The following KMT2C variants were observed in gnomAD, a reference collection of about 807,000 sequenced individuals.
The protein encoded by KMT2C is histone-lysine N-methyltransferase 2C.
In KMT2C, 88 loss-of-function variants were observed where a neutral mutation model predicts 507.9. The ratio of observed to expected loss-of-function variants is 0.17; its 90% confidence interval spans 0.15 to 0.21. The LOEUF (loss-of-function observed/expected upper bound fraction) is 0.21. Among genes scored for constraint, KMT2C ranks in the 10% least tolerant of loss-of-function variants. The pLI is 1.00. For missense variants in KMT2C, 4,954 were observed against 5,957.8 expected, an observed-to-expected ratio of 0.83 and a Z score of 5.55; for synonymous variants, 2,049 against 2,080.8, an observed-to-expected ratio of 0.98 and a Z score of 0.42.
rs548309260 is a variant in KMT2C at position 152,190,154 on chromosome 7, G to A, written c.4661-2307C>T. 1.6e-4 allele frequency among the ~76,000 whole-genome samples: 24 copies of A among 152,238 alleles called. No individual in the cohort carries two copies. The South Asian group carries it at 4.8e-3, about 30-fold the overall frequency. ...CACCAACCTGGGTTTGTGAAAAAAT[G>A]GTCTTCCTTGAAACTGGTCCCTGGT... is the stretch of plus-strand genomic sequence containing the variant. On this transcript the variant is annotated intron_variant, in intron 31 of 58. Coordinates refer to ENST00000262189, the MANE Select transcript of KMT2C (RefSeq NM_170606.3).
intron 42 of KMT2C, among the ~76,000 whole-genome samples, 155 bp from the exon 43 acceptor site, chr7:152,163,981 AATTGAATTGATAAGCCTTAACT>A (rs1414834267): frequency 1.3e-5 from 2 of 152,326 alleles, no homozygotes; most frequent in East Asian, 3.9e-4. Context: ...GTCACAAAAA[AATTGAATTGATAAGCCTTAACT>A]AACAACTGTC....
chr7:152,181,928 A>C lies in KMT2C; in HGVS notation c.5932T>G (p.Phe1978Val). ...CGGGATAGGCCCAAGGATTTGGGAA[A>C]TTGATCTGTCATCACAGGCCTAGGT... The part of the protein sequence containing the change: ...DTPRPVMTDQ[F>V]PKSLGLSRSP... The change falls in exon 36 of 59, where the codon TTT (phenylalanine) becomes GTT (valine). Residue 1978 changes from phenylalanine to valine, a missense_variant. Coordinates refer to ENST00000262189, the MANE Select transcript of KMT2C (RefSeq NM_170606.3). The C allele has an allele frequency of 6.2e-7, 1 of 1,614,198 alleles. No homozygotes were observed. The highest frequency in any genetic ancestry group is 8.5e-7 in the Non-Finnish European group (1 of 1,180,032).
intron 42 of KMT2C, among the ~76,000 whole-genome samples, chr7:152,166,540 G>C (rs1248013872): frequency 6.6e-6 from 1 of 151,888 alleles, no homozygotes; most frequent in Non-Finnish European, 1.5e-5. Context: ...TTCTTTTCCA[G>C]TATATTATTC....
intron 1 of KMT2C, among the ~76,000 whole-genome samples, chr7:152,373,672 A>G (rs2097307505): frequency 6.6e-6 from 1 of 152,176 alleles, no homozygotes; most frequent in Non-Finnish European, 1.5e-5. Flanking sequence ...TGAAATGTTA[A>G]AAGAGTTCTT....
intron 25 of KMT2C, among the ~76,000 whole-genome samples, chr7:152,204,700 TATG>T (rs2094251246): frequency 1.3e-5 from 2 of 152,138 alleles, no homozygotes; most frequent in South Asian, 2.1e-4. Context: ...TTTCAAATTA[TATG>T]ATAAGTAGCT....
Position 152,278,941 on chromosome 7 carries a change from C to T in KMT2C, c.850-5074G>A, listed in dbSNP as rs1360777362. ...ATATGAAATAAATAATAACAATGAT[C>T]GGGTTTGATTCAAACAGACACATAA... is the stretch of plus-strand genomic sequence containing the variant. On this transcript the variant is annotated intron_variant, in intron 6 of 58. Coordinates refer to ENST00000262189, the MANE Select transcript of KMT2C (RefSeq NM_170606.3). Among the ~76,000 whole-genome samples, 4 of 152,408 alleles carry T rather than the reference C, an allele frequency of 2.6e-5. No homozygotes were observed. The East Asian group carries it at 7.7e-4, about 29-fold the overall frequency.
intron 1 of KMT2C, among the ~76,000 whole-genome samples, chr7:152,387,120 T>A (rs75234851): frequency 6.6e-6 from 1 of 151,988 alleles, no homozygotes; most frequent in South Asian, 2.1e-4. Context: ...AGATATTTTT[T>A]AAATACCATG....
chr7:152,220,949 T>G (rs1171803560), intron 22 of KMT2C, among the ~76,000 whole-genome samples: 1 of 152,154 alleles, frequency 6.6e-6, no homozygotes, highest in African/African-American at 2.4e-5. Context: ...AAAGGTTGCA[T>G]GTTTTTAAAA....
At position 152,162,348 on chromosome 7, in the gene KMT2C, C is replaced by T; in HGVS notation, c.11229G>A (p.Lys3743=). ...EPKLEEQNGS[K]VEGNAVACPV... ...GACAGGCTACAGCGTTTCCTTCTAC[C>T]TTACTACCATTCTGTTCCTCCAATT... Residue 3743 remains lysine (K), a synonymous_variant, in exon 43 of 59, where the codon AAG becomes AAA. Transcript: ENST00000262189. 2 of 1,614,218 alleles carry T rather than the reference C, an allele frequency of 1.2e-6. No individual in the cohort carries two copies. The highest frequency in any genetic ancestry group is 2.2e-5 in the South Asian group (2 of 91,084).
rs1293018450 is a variant in KMT2C, at chr7:152,156,232, T to C, written c.11785A>G (p.Lys3929Glu). 1.9e-6 allele frequency: 3 copies of C among 1,614,172 alleles called. No homozygotes were observed. Among genetic ancestry groups the C allele is most frequent in the Non-Finnish European group, 2.5e-6 (3 of 1,180,026 alleles). The change falls in exon 45 of 59, where the codon AAA becomes GAA. Residue 3929 changes from lysine to glutamate, a missense_variant. By Grantham distance (56) the Lys-to-Glu change is moderately conservative. Transcript: ENST00000262189. The stretch of plus-strand genomic sequence containing the variant: ...TCATGGCTCACTAACACTCCGGCTT[T>C]TCCAGCAAGTTCTTCAGTTGTTGCA... ...GFATTEELAG[K>E]AGVLVSHEVT...
At chr7:152,316,654 T>C (rs2096725528) in intron 3 of KMT2C, among the ~76,000 whole-genome samples, 1 of 152,176 alleles carries the variant, frequency 6.6e-6, no homozygotes, top group East Asian at 1.9e-4. Flanking sequence ...AGAACTAACC[T>C]ATAGCCTTTT....
intron 27 of KMT2C, among the ~76,000 whole-genome samples, chr7:152,196,961 G>T (rs964675533): frequency 2.6e-5 from 4 of 152,162 alleles, no homozygotes; most frequent in African/African-American, 9.7e-5. Flanking sequence ...AGATTTTAGA[G>T]ATTATGGGGA....
intron 2 of KMT2C, among the ~76,000 whole-genome samples, chr7:152,343,469 A>C (rs1390947526): frequency 1.3e-5 from 2 of 150,976 alleles, no homozygotes; most frequent in African/African-American, 4.9e-5. Context: ...AAAAAAAAAG[A>C]ACAGAATGTT....
At chr7:152,216,653 T>C (rs1477929315) in intron 23 of KMT2C, among the ~76,000 whole-genome samples, 2 of 152,242 alleles carry the variant, frequency 1.3e-5, no homozygotes, top group Non-Finnish European at 2.9e-5. Flanking sequence ...TTATAATTTT[T>C]CCACAACTTC....
chr7:152,180,311 G>A (rs190950594), intron 36 of KMT2C, among the ~76,000 whole-genome samples, 185 bp from the exon 37 acceptor site: 2 of 152,180 alleles, frequency 1.3e-5, no homozygotes, highest in East Asian at 1.9e-4. Context: ...ATGCGCCACC[G>A]TGCCTGACAG....
intron 55 of KMT2C, among the ~76,000 whole-genome samples, chr7:152,143,832 T>C (rs930789775): frequency 2.0e-5 from 3 of 152,258 alleles, no homozygotes; most frequent in South Asian, 2.1e-4. Flanking sequence ...TGAATGAGTA[T>C]AGACAAAGGA....
chr7:152,230,025 A>G lies in KMT2C; in HGVS notation c.2874T>C (p.Asp958=), dbSNP rs1161101070. The change falls in exon 18 of 59, where the codon GAT becomes GAC. Residue 958 remains aspartate (D), a splice_region_variant and synonymous_variant. Transcript: ENST00000262189. ...CAAAACTGCCACAAACTACACACAT[A>G]TCCTGAAGTTAAGAAAACAGAACAT... The part of the protein sequence containing the change: ...SSSDKFTLNQ[D]MCVVCGSFGQ... 1 of 1,599,514 alleles carries G rather than the reference A, an allele frequency of 6.3e-7. No individual in the cohort carries two copies. Among genetic ancestry groups the G allele is most frequent in the East Asian group, 2.2e-5 (1 of 44,708 alleles).
intron 12 of KMT2C, 100 bp downstream of exon 12, chr7:152,250,753 C>A: frequency 3.0e-6 from 2 of 672,016 alleles, no homozygotes; most frequent in South Asian, 1.9e-5. Context: ...TCCTAAGTGA[C>A]TGCATCTTGG....
intron 3 of KMT2C, among the ~76,000 whole-genome samples, chr7:152,326,831 A>C (rs1233701216): frequency 6.6e-6 from 1 of 152,212 alleles, no homozygotes; most frequent in Non-Finnish European, 1.5e-5. Flanking sequence ...CAGTGAGCTG[A>C]GATCGTGCCA....
Sources: allele counts gnomAD v4.1 joint callset (sites outside exome capture counted in the v4.1 genomes callset), GRCh38; gene constraint gnomAD v4.1.1; transcripts MANE v1.5; gene names NCBI Gene and HGNC (gene_info 2026-07-23, HGNC 2026-07-21).